CDC14A: variants seen among roughly 807,000 people sequenced by gnomAD.
CDC14A encodes the protein dual specificity protein phosphatase CDC14A.
A neutral mutation model predicts 74.4 loss-of-function variants in CDC14A; 53 were observed. The ratio of observed to expected loss-of-function variants is 0.71; its 90% CI spans 0.57 to 0.89. The LOEUF (loss-of-function observed/expected upper bound fraction) is 0.89. CDC14A is among the 40% of genes least tolerant of loss of function. The pLI is 0.00. For missense variants in CDC14A, 646 were observed against 713.7 expected (o/e 0.91, Z 1.08); for synonymous variants, 247 against 258.4 (o/e 0.96, Z 0.43).
At chr1:100,408,031 A>G (rs1660177504) in intron 4 of CDC14A, among the ~76,000 whole-genome samples, 1 of 152,018 alleles carries the variant, frequency 6.6e-6, no homozygotes, top group South Asian at 2.1e-4. Flanking sequence ...TAAGCCTAGT[A>G]CCCAATAGTT....
intron 2 of CDC14A, among the ~76,000 whole-genome samples, chr1:100,366,757 G>A (rs1442866274): frequency 6.6e-6 from 1 of 152,164 alleles, no homozygotes; most frequent in Non-Finnish European, 1.5e-5. Flanking sequence ...AAACAGAAAA[G>A]GGTTTGATTT....
intron 4 of CDC14A, among the ~76,000 whole-genome samples, chr1:100,419,506 G>A (rs1012361674): frequency 6.6e-6 from 1 of 152,234 alleles, no homozygotes; most frequent in African/African-American, 2.4e-5. Flanking sequence ...AAGTTACACA[G>A]TGCTAAGGAA....
At chr1:100,425,951 G>T (rs1662916569) in intron 5 of CDC14A, among the ~76,000 whole-genome samples, 1 of 152,046 alleles carries the variant, frequency 6.6e-6, no homozygotes, top group Non-Finnish European at 1.5e-5. Flanking sequence ...TAAGTATCTC[G>T]GACAAATTAC....
rs1422188944 is a variant in CDC14A at position 100,508,654 on chromosome 1, CT to C, written c.1755+9393del. On this transcript the variant is annotated intron_variant, in intron 15 of 15. Coordinates refer to ENST00000336454, the MANE Select transcript of CDC14A (RefSeq NM_003672.4). This position sits in a 1 kb window ranked among gnomAD's most constrained non-coding sequence, Gnocchi z 4.4. ...GCTTTCTTCTCAGGCAGGGATGTGG[CT>C]CCATCTCAGCCCTGGCCCGAGGGCA... 3.3e-5 allele frequency among the ~76,000 whole-genome samples: 5 copies of C among 152,222 alleles called. No homozygotes were observed. The highest frequency in any genetic ancestry group is 1.3e-4 in the Admixed American group (2 of 15,286).
chr1:100,455,176 A>G (rs1197457376), intron 7 of CDC14A, among the ~76,000 whole-genome samples: 1 of 152,230 alleles, frequency 6.6e-6, no homozygotes, highest in Non-Finnish European at 1.5e-5. Context: ...GCCGTAAATA[A>G]AAGTTTCTAA....
intron 5 of CDC14A, among the ~76,000 whole-genome samples, chr1:100,429,810 A>G (rs182466068): frequency 1.3e-5 from 2 of 150,336 alleles, no homozygotes; most frequent in Admixed American, 6.6e-5. Context: ...AAAACTCTCC[A>G]TCTTGGAGAT....
chr1:100,398,730 C>T (rs1404686688), intron 4 of CDC14A, among the ~76,000 whole-genome samples: 1 of 152,138 alleles, frequency 6.6e-6, no homozygotes, highest in Non-Finnish European at 1.5e-5. Context: ...ATGAATTTAT[C>T]TAACAAATGT....
intron 11 of CDC14A, among the ~76,000 whole-genome samples, chr1:100,485,584 GAGAA>G (rs1204268684): frequency 2.0e-5 from 3 of 152,028 alleles, no homozygotes; most frequent in Admixed American, 6.6e-5. Flanking sequence ...AAGAAAAAAA[GAGAA>G]AGAAAGAATA....
chr1:100,351,765 CT>C (rs1383112133), upstream of CDC14A: 2 of 1,550,608 alleles, frequency 1.3e-6, no homozygotes, highest in Admixed American at 3.9e-5. Flanking sequence ...AGATGGGAAA[CT>C]TTTTGTCCCG....
At chr1:100,486,292 T>C (rs982572335) in intron 11 of CDC14A, among the ~76,000 whole-genome samples, 8 of 152,238 alleles carry the variant, frequency 5.3e-5, no homozygotes, top group African/African-American at 1.7e-4. Flanking sequence ...TCTCATACTC[T>C]TTTAATCCCC....
At chr1:100,406,080 A>G (rs895332542) in intron 4 of CDC14A, among the ~76,000 whole-genome samples, 7 of 152,148 alleles carry the variant, frequency 4.6e-5, no homozygotes, top group African/African-American at 1.7e-4. Flanking sequence ...TCTCACTGGC[A>G]TGAGATGGTA....
At chr1:100,505,240 T>C (rs1036126951) in intron 15 of CDC14A, among the ~76,000 whole-genome samples, 1 of 152,216 alleles carries the variant, frequency 6.6e-6, no homozygotes, top group African/African-American at 2.4e-5. Flanking sequence ...GAAGTTGGCT[T>C]AAATGTAGTT....
At chr1:100,354,573 T>TA (rs1651613794) in intron 2 of CDC14A, among the ~76,000 whole-genome samples, 1 of 152,240 alleles carries the variant, frequency 6.6e-6, no homozygotes, top group South Asian at 2.1e-4. Context: ...AAAGATATCT[T>TA]AATACTTCAG....
At chr1:100,348,378 T>A (rs920065782), upstream of CDC14A, among the ~76,000 whole-genome samples, 3 of 152,172 alleles carry the variant, frequency 2.0e-5, no homozygotes, top group Admixed American at 1.3e-4. Context: ...CACATCTGAA[T>A]CTTCCATCCA....
At chr1:100,358,911 CT>C (rs1158737985) in intron 2 of CDC14A, among the ~76,000 whole-genome samples, 1 of 152,060 alleles carries the variant, frequency 6.6e-6, no homozygotes, top group African/African-American at 2.4e-5. Context: ...AGGAGAAACC[CT>C]TTTGGTTTTT....
intron 7 of CDC14A, among the ~76,000 whole-genome samples, chr1:100,451,487 T>G (rs1273691000): frequency 6.6e-6 from 1 of 152,240 alleles, no homozygotes; most frequent in Non-Finnish European, 1.5e-5. Flanking sequence ...ACCAAATAAT[T>G]CAAATATTTA....
intron 2 of CDC14A, 75 bp downstream of exon 2, chr1:100,353,927 A>G (rs528141856): frequency 3.8e-4 from 309 of 802,614 alleles, no homozygotes; most frequent in Non-Finnish European, 5.4e-4. Flanking sequence ...ATGCACTTTT[A>G]TGGCAGTTTT....
chr1:100,396,390 A>G (rs1377557570), intron 4 of CDC14A, among the ~76,000 whole-genome samples: 1 of 152,224 alleles, frequency 6.6e-6, no homozygotes, highest in Non-Finnish European at 1.5e-5. Context: ...CTGGTATGTA[A>G]TGGGTGCTCT....
At chr1:100,506,940 C>T (rs1649284693) in intron 15 of CDC14A, among the ~76,000 whole-genome samples, 1 of 152,164 alleles carries the variant, frequency 6.6e-6, no homozygotes, top group Non-Finnish European at 1.5e-5. Context: ...CTTTAGGAGG[C>T]TAAGGCGAGA....
Sources: gnomAD v4.1 joint callset for allele counts (sites outside exome capture counted in the v4.1 genomes callset) on GRCh38, gnomAD v4.1.1 for gene constraint, Gnocchi (gnomAD v3.1) non-coding constraint, MANE v1.5 for transcripts, NCBI Gene and HGNC (gene_info 2026-07-23, HGNC 2026-07-21) for gene names.